The following SUSD6 variants were observed in gnomAD, a reference collection of about 807,000 sequenced individuals.
SUSD6 encodes the protein sushi domain-containing protein 6.
A neutral mutation model predicts 28.4 loss-of-function variants in SUSD6; 16 were observed. That is an observed-to-expected ratio of 0.56 (90% CI 0.38 to 0.86). The LOEUF (loss-of-function observed/expected upper bound fraction) is 0.86, where lower values mean the gene tolerates loss of function less well. Ranked by LOEUF, SUSD6 falls within the 40% of genes least tolerant of loss-of-function variation. SUSD6 has a pLI of 0.00. For synonymous variants in SUSD6, 147 were observed against 159.6 expected (o/e 0.92, Z 0.59); for missense variants, 341 against 384.2 (o/e 0.89, Z 0.94).
At chr14:69,623,557 C>T (rs1885072738) in intron 1 of SUSD6, among the ~76,000 whole-genome samples, 1 of 152,148 alleles carries the variant, frequency 6.6e-6, no homozygotes, top group South Asian at 2.1e-4. Context: ...ACTCCTTCTA[C>T]TTAGGAAAAA....
At chr14:69,672,039 ATAC>A (rs1201165562) in intron 2 of SUSD6, among the ~76,000 whole-genome samples, 1 of 152,242 alleles carries the variant, frequency 6.6e-6, no homozygotes, top group Non-Finnish European at 1.5e-5. Flanking sequence ...GATTATTATA[ATAC>A]TATTTTTTCA....
intron 1 of SUSD6, among the ~76,000 whole-genome samples, chr14:69,639,927 G>A (rs1885323728): frequency 6.9e-6 from 1 of 145,626 alleles, no homozygotes; most frequent in African/African-American, 2.5e-5. Context: ...GTATTTTGGG[G>A]AAGAGAGTCC....
At chr14:69,705,276 C>T (rs910962748) in intron 4 of SUSD6, among the ~76,000 whole-genome samples, 3 of 151,926 alleles carry the variant, frequency 2.0e-5, no homozygotes, top group East Asian at 3.9e-4. Context: ...CGAGATCACA[C>T]CACTGCGCTC....
At chr14:69,678,273 A>T (rs1222352465) in intron 2 of SUSD6, among the ~76,000 whole-genome samples, 1 of 151,292 alleles carries the variant, frequency 6.6e-6, no homozygotes, top group East Asian at 1.9e-4. Context: ...TACCTGCAGT[A>T]TAGCATTCCA....
chr14:69,621,115 T>C (rs908187711), intron 1 of SUSD6, among the ~76,000 whole-genome samples: 2 of 152,156 alleles, frequency 1.3e-5, no homozygotes, highest in African/African-American at 2.4e-5. Flanking sequence ...CAGGCTGACA[T>C]TGGAAGTTCC....
chr14:69,688,118 A>C (rs1886100347), intron 2 of SUSD6, among the ~76,000 whole-genome samples: 1 of 152,316 alleles, frequency 6.6e-6, no homozygotes. Context: ...AGAAAGAAGA[A>C]GACTAGATGT....
Position 69,699,799 on chromosome 14 carries a change from C to T in SUSD6, c.122-3596C>T, listed in dbSNP as rs148135076. Among the ~76,000 whole-genome samples the T allele has an allele frequency of 7.4e-4, 112 of 151,696 alleles. 1 individual carries two copies. In the South Asian group the frequency reaches 0.015, roughly 20 times the overall value. ...AGGTTAAGAGTGGAAGTTTAATAGG[C>T]GAAAGAGAAGAGCTCTCTGCACAGA... On this transcript the variant is annotated intron_variant, in intron 2 of 5. Coordinates refer to ENST00000342745, the MANE Select transcript of SUSD6 (RefSeq NM_014734.4).
chr14:69,641,491 T>A (rs954013063), intron 1 of SUSD6, among the ~76,000 whole-genome samples: 1 of 152,230 alleles, frequency 6.6e-6, no homozygotes, highest in Non-Finnish European at 1.5e-5. Flanking sequence ...ATTTACTATT[T>A]TTTTCTTCTG....
At chr14:69,692,005 C>CTCCAGCT (rs1366251576) in intron 2 of SUSD6, among the ~76,000 whole-genome samples, 1 of 149,790 alleles carries the variant, frequency 6.7e-6, no homozygotes, top group Non-Finnish European at 1.5e-5. Context: ...TGCCACTGCA[C>CTCCAGCT]TCCAGCTTGG....
intron 1 of SUSD6, among the ~76,000 whole-genome samples, chr14:69,616,728 A>G (rs1884965106): frequency 6.6e-6 from 1 of 152,242 alleles, no homozygotes; most frequent in Non-Finnish European, 1.5e-5. Context: ...TACCACCCTA[A>G]CATAATGTGT....
chr14:69,653,420 C>T (rs1885532003), intron 1 of SUSD6, among the ~76,000 whole-genome samples: 1 of 152,138 alleles, frequency 6.6e-6, no homozygotes, highest in Non-Finnish European at 1.5e-5. Context: ...AATTCTGTGG[C>T]CTTAGAGCCT....
At chr14:69,655,040 G>A (rs143485281) in intron 1 of SUSD6, among the ~76,000 whole-genome samples, 3,497 of 151,894 alleles carry the variant, frequency 0.023, 73 homozygotes, top group Non-Finnish European at 0.033. Flanking sequence ...TGATCCACCC[G>A]CCTCGGCCTC....
intron 2 of SUSD6, among the ~76,000 whole-genome samples, chr14:69,685,990 A>G (rs934925787): frequency 3.9e-5 from 6 of 152,238 alleles, no homozygotes; most frequent in Admixed American, 2.0e-4. Flanking sequence ...GTGCAGCCGC[A>G]TGTGCTGCAG....
rs536266687 is a variant in SUSD6, at chr14:69,651,595, G to A, written c.-80-6918G>A. 1.6e-3 allele frequency among the ~76,000 whole-genome samples: 247 copies of A among 152,330 alleles called. 1 individual carries two copies. Among genetic ancestry groups the A allele is most frequent in the African/African-American group, 5.3e-3 (222 of 41,574 alleles). ...AATATGTGGCTGTCGAAGCACTCAA[G>A]TGTTAGTGGCAAAAAGGAAAGGGGA... On this transcript the variant is annotated intron_variant, in intron 1 of 5. Coordinates refer to ENST00000342745, the MANE Select transcript of SUSD6 (RefSeq NM_014734.4).
At chr14:69,656,835 A>T (rs911260322) in intron 1 of SUSD6, among the ~76,000 whole-genome samples, 2 of 152,256 alleles carry the variant, frequency 1.3e-5, no homozygotes, top group Non-Finnish European at 2.9e-5. Flanking sequence ...TCTTAGCCAC[A>T]TAAATGGGCA....
intron 2 of SUSD6, among the ~76,000 whole-genome samples, chr14:69,667,622 A>T (rs971995172): frequency 6.6e-6 from 1 of 150,750 alleles, no homozygotes; most frequent in Non-Finnish European, 1.5e-5. Flanking sequence ...TGACCTTGTG[A>T]TCCGCCCGCC....
At chr14:69,613,793 T>C (rs1173664858) in intron 1 of SUSD6, among the ~76,000 whole-genome samples, 1 of 152,190 alleles carries the variant, frequency 6.6e-6, no homozygotes, top group Non-Finnish European at 1.5e-5. Flanking sequence ...GTAGTAGAAA[T>C]GGCATATGAA....
At chr14:69,686,161 A>C (rs978082526) in intron 2 of SUSD6, among the ~76,000 whole-genome samples, 3 of 152,248 alleles carry the variant, frequency 2.0e-5, no homozygotes, top group Non-Finnish European at 4.4e-5. Context: ...CTTTAGTGTC[A>C]GTTGAATACT....
At chr14:69,654,297 G>A (rs1020797081) in intron 1 of SUSD6, among the ~76,000 whole-genome samples, 3 of 152,202 alleles carry the variant, frequency 2.0e-5, no homozygotes, top group East Asian at 3.8e-4. Context: ...CAGGCCTTGT[G>A]CTGGCTATTG....
Sources: allele counts gnomAD v4.1 joint callset (sites outside exome capture counted in the v4.1 genomes callset), GRCh38; gene constraint gnomAD v4.1.1; transcripts MANE v1.5; gene names NCBI Gene and HGNC (gene_info 2026-07-23, HGNC 2026-07-21).